RUNX2: variants seen among roughly 807,000 people sequenced by gnomAD.
RUNX2 encodes the protein runt-related transcription factor 2.
Under a neutral mutation model 51.7 loss-of-function variants are expected in RUNX2, and 10 were observed. The observed-to-expected ratio is 0.19, with a 90% CI of 0.12 to 0.33. RUNX2 has a LOEUF of 0.33. Ranked by LOEUF, RUNX2 falls within the 10% of genes least tolerant of loss-of-function variation. The probability of loss-of-function intolerance (pLI) is 1.00; values close to 1 mark genes in which losing one functional copy is unlikely to be tolerated. For synonymous variants in RUNX2, 276 were observed against 273.6 expected, an observed-to-expected ratio of 1.01 and a Z score of -0.09; for missense variants, 562 against 691.3, an observed-to-expected ratio of 0.81 and a Z score of 2.10.
chr6:45,547,047 C>A lies in RUNX2; in HGVS notation c.1308C>A (p.Pro436=). The part of the protein sequence containing the change: ...YPGSSQSQSG[P]FQTSSTPYLY... ...GCTCTTCCCAAAGCCAGAGTGGACC[C>A]TTCCAGACCAGCAGCACTCCATATC... Residue 436 remains proline (P), a synonymous_variant, in exon 9 of 9, where the codon CCC becomes CCA. Coordinates refer to ENST00000647337, the MANE Select transcript of RUNX2 (RefSeq NM_001024630.4). The A allele has an allele frequency of 6.2e-7, 1 of 1,614,160 alleles. No homozygotes were observed. The highest frequency in any genetic ancestry group is 1.3e-5 in the African/African-American group (1 of 75,032).
At chr6:45,429,083 C>T (rs1306302742) in intron 3 of RUNX2, among the ~76,000 whole-genome samples, 2 of 152,182 alleles carry the variant, frequency 1.3e-5, no homozygotes, top group Non-Finnish European at 2.9e-5. Context: ...ACACTCTATA[C>T]TTATATAGTA....
intron 2 of RUNX2, among the ~76,000 whole-genome samples, chr6:45,397,107 CT>C (rs548405066): frequency 0.028 from 4,060 of 143,508 alleles, 171 homozygotes; most frequent in African/African-American, 0.092. Context: ...ATATTTAAAA[CT>C]TTTTTTTTTT....
At chr6:45,356,011 C>G (rs1793094846) in intron 2 of RUNX2, among the ~76,000 whole-genome samples, 1 of 152,028 alleles carries the variant, frequency 6.6e-6, no homozygotes, top group Non-Finnish European at 1.5e-5. Flanking sequence ...ATGGCAAAAA[C>G]TGGTTGTAAC....
chr6:45,364,763 A>T (rs1794849604), intron 2 of RUNX2, among the ~76,000 whole-genome samples: 1 of 152,216 alleles, frequency 6.6e-6, no homozygotes, highest in African/African-American at 2.4e-5. Context: ...ATCAGAACTA[A>T]AAACTAATTT....
intron 5 of RUNX2, among the ~76,000 whole-genome samples, chr6:45,456,423 A>T (rs937825882): frequency 1.3e-5 from 2 of 152,214 alleles, no homozygotes; most frequent in African/African-American, 2.4e-5. Flanking sequence ...CTTTAAAAAC[A>T]TTACAGCCCA....
At chr6:45,423,428 C>A (rs935574161) in intron 3 of RUNX2, among the ~76,000 whole-genome samples, 3 of 152,106 alleles carry the variant, frequency 2.0e-5, no homozygotes, top group Non-Finnish European at 2.9e-5. Flanking sequence ...GCGGGCTGCC[C>A]GCGCAGCCTC....
chr6:45,533,520 A>G (rs746068176), intron 7 of RUNX2, among the ~76,000 whole-genome samples: 23 of 152,294 alleles, frequency 1.5e-4, no homozygotes, highest in Non-Finnish European at 2.8e-4. Context: ...TCTAAAAGGG[A>G]CGTTTTTCTT....
At chr6:45,540,872 G>A (rs62400376) in intron 7 of RUNX2, among the ~76,000 whole-genome samples, 15,831 of 152,236 alleles carry the variant, frequency 0.1, 995 homozygotes, top group Non-Finnish European at 0.14. Context: ...TGGAAGCAAA[G>A]CAGAGGCATC....
chr6:45,340,785 C>T lies in RUNX2; in HGVS notation c.58+12001C>T, dbSNP rs190134956. 9.1e-3 allele frequency among the ~76,000 whole-genome samples: 1,380 copies of T among 152,114 alleles called. 14 individuals carry two copies. The highest frequency in any genetic ancestry group is 0.028 in the South Asian group (137 of 4,810). On this transcript the variant is annotated intron_variant, in intron 2 of 8. Transcript: ENST00000647337. The stretch of plus-strand genomic sequence containing the variant: ...TTAAACACTTAAACACCAAGAATGT[C>T]TAATCCTCATTTATAAAATTAAAAT...
At chr6:45,497,718 C>T (rs1031753741) in intron 6 of RUNX2, among the ~76,000 whole-genome samples, 5 of 152,084 alleles carry the variant, frequency 3.3e-5, no homozygotes, top group Non-Finnish European at 7.4e-5. Flanking sequence ...TGTCTGTCTC[C>T]TCCATCAGAC....
chr6:45,413,737 T>TA lies in RUNX2; in HGVS notation c.59-8855dup, dbSNP rs1380574218. Among the ~76,000 whole-genome samples, 5 of 152,158 alleles carry TA rather than the reference T, an allele frequency of 3.3e-5. 1 individual carries two copies. Among genetic ancestry groups the TA allele is most frequent in the Admixed American group, 3.3e-4 (5 of 15,270 alleles). On this transcript the variant is annotated intron_variant, in intron 2 of 8. Transcript: ENST00000647337. ...AGCCACCAGAGCTTGGCCTAAAAGA[T>TA]ACATTCTTTTGTGGAAGAATATGCA... is the stretch of plus-strand genomic sequence containing the variant.
chr6:45,427,997 T>G (rs571673671), intron 3 of RUNX2, among the ~76,000 whole-genome samples: 2 of 152,304 alleles, frequency 1.3e-5, no homozygotes, highest in East Asian at 3.9e-4. Flanking sequence ...GACAGAAAAT[T>G]ACTTCTCCTT....
chr6:45,441,496 G>A (rs775174409), intron 5 of RUNX2, among the ~76,000 whole-genome samples: 1 of 152,178 alleles, frequency 6.6e-6, no homozygotes, highest in Non-Finnish European at 1.5e-5. Flanking sequence ...ATATTGTAAT[G>A]TATGTAAAAT....
At position 45,534,863 on chromosome 6, in the gene RUNX2, A is replaced by G. The variant is rs545153449; in HGVS notation, c.1022-10354A>G. 1.6e-4 allele frequency among the ~76,000 whole-genome samples: 25 copies of G among 152,382 alleles called. No homozygotes were observed. The South Asian group carries it at 3.3e-3, about 20-fold the overall frequency. ...GGCCATGGTGTGTTTAAAGATAAATAGGACAGCATTCCCATTTTTAAGCAG... is the reference window on the plus strand; with the variant it reads ...GGCCATGGTGTGTTTAAAGATAAATGGGACAGCATTCCCATTTTTAAGCAG... On this transcript the variant is annotated intron_variant, in intron 7 of 8. Coordinates refer to ENST00000647337, the MANE Select transcript of RUNX2 (RefSeq NM_001024630.4).
intron 2 of RUNX2, among the ~76,000 whole-genome samples, chr6:45,385,316 A>G (rs1344433509): frequency 6.6e-6 from 1 of 152,134 alleles, no homozygotes; most frequent in Admixed American, 6.5e-5. Context: ...CCAATGCCCA[A>G]CCCAAGTTTT....
chr6:45,333,468 T>A (rs542542525), intron 2 of RUNX2, among the ~76,000 whole-genome samples: 2 of 151,564 alleles, frequency 1.3e-5, no homozygotes, highest in African/African-American at 4.8e-5. Context: ...CCCTTTATAC[T>A]ATTTATTAAG....
At chr6:45,428,242 A>T (rs1042195623) in intron 3 of RUNX2, among the ~76,000 whole-genome samples, 1 of 152,102 alleles carries the variant, frequency 6.6e-6, no homozygotes, top group Non-Finnish European at 1.5e-5. Flanking sequence ...AATGTGTAAA[A>T]ATTTCTTGAT....
At chr6:45,543,028 T>A (rs1802280056) in intron 7 of RUNX2, among the ~76,000 whole-genome samples, 1 of 152,232 alleles carries the variant, frequency 6.6e-6, no homozygotes, top group African/African-American at 2.4e-5. Flanking sequence ...GGATCTCGGA[T>A]CATAGCCTAA....
chr6:45,453,385 A>C (rs1381544992), intron 5 of RUNX2, among the ~76,000 whole-genome samples: 2 of 152,116 alleles, frequency 1.3e-5, no homozygotes, highest in African/African-American at 4.8e-5. Context: ...CCAGTTCCAT[A>C]TTTTCTGCAG....
Sources: gnomAD v4.1 joint callset for allele counts (sites outside exome capture counted in the v4.1 genomes callset) on GRCh38, gnomAD v4.1.1 for gene constraint, MANE v1.5 for transcripts, NCBI Gene and HGNC (gene_info 2026-07-23, HGNC 2026-07-21) for gene names.